Variants in FAM193B observed in about 807,000 individuals in gnomAD.
The protein encoded by FAM193B is family with sequence similarity 193 member B.
A neutral mutation model predicts 70.7 loss-of-function variants in FAM193B; 27 were observed. The observed-to-expected ratio is 0.38, with a 90% CI of 0.28 to 0.53. The LOEUF (loss-of-function observed/expected upper bound fraction) is 0.53. Ranked by LOEUF, FAM193B falls within the 20% of genes least tolerant of loss-of-function variation. The pLI is 0.81. For missense variants in FAM193B, 1,022 were observed against 1,072.5 expected (o/e 0.95, Z 0.66); for synonymous variants, 448 against 436.0 (o/e 1.03, Z -0.34).
Position 177,524,036 on chromosome 5 carries a change from G to C in FAM193B, c.2297-4C>G, listed in dbSNP as rs1369334889. ...TCCTTGGGCAGGAACACATCGTCTA[G>C]GAAGACACAGCCAGGAGGGCTCAGT... On this transcript the variant is annotated splice_region_variant and splice_polypyrimidine_tract_variant and intron_variant, in intron 6 of 8. Coordinates refer to ENST00000514747, the MANE Select transcript of FAM193B (RefSeq NM_001190946.3). 1 of 1,614,076 alleles carries C rather than the reference G, an allele frequency of 6.2e-7. No homozygotes were observed. The highest frequency in any genetic ancestry group is 1.7e-5 in the Admixed American group (1 of 60,030).
intron 1 of FAM193B, among the ~76,000 whole-genome samples, chr5:177,540,639 T>C (rs930635485): frequency 5.3e-5 from 8 of 152,180 alleles, no homozygotes; most frequent in Non-Finnish European, 8.8e-5. Flanking sequence ...GAGAGACTTG[T>C]GGAGAAAGCA....
Position 177,550,096 on chromosome 5 carries a change from C to G in FAM193B, c.210+4153G>C, listed in dbSNP as rs370392106. ...TTGGGAGGCTTAAGGAGAAGTATCA[C>G]TTGAGTCCAGGAGTTTGAGGATAGC... On this transcript the variant is annotated intron_variant, in intron 1 of 8. Coordinates refer to ENST00000514747, the MANE Select transcript of FAM193B (RefSeq NM_001190946.3). Among the ~76,000 whole-genome samples the G allele has an allele frequency of 4.6e-5, 7 of 152,202 alleles. No individual in the cohort carries two copies. The East Asian group carries it at 5.8e-4, about 13-fold the overall frequency.
chr5:177,540,742 T>C (rs1259976173), intron 1 of FAM193B, among the ~76,000 whole-genome samples: 1 of 152,212 alleles, frequency 6.6e-6, no homozygotes, highest in Non-Finnish European at 1.5e-5. Flanking sequence ...GGTATTGTTT[T>C]AAACCACTAG....
chr5:177,536,564 A>T lies in FAM193B; in HGVS notation c.870T>A (p.Ala290=). 1 of 1,536,814 alleles carries T rather than the reference A, an allele frequency of 6.5e-7. No homozygotes were observed. Among genetic ancestry groups the T allele is most frequent in the South Asian group, 1.3e-5 (1 of 79,534 alleles). The change falls in exon 4 of 9, where the codon GCT becomes GCA. Residue 290 remains alanine, a synonymous_variant. Coordinates refer to ENST00000514747, the MANE Select transcript of FAM193B (RefSeq NM_001190946.3). ...TGGCAGCAGCAACAGGGCACTCTGAAGCCTGGGCAGGGAAAGGTGCTGCCG... is the reference window on the plus strand; with the variant it reads ...TGGCAGCAGCAACAGGGCACTCTGATGCCTGGGCAGGGAAAGGTGCTGCCG... ...TTPAAPFPAQ[A]SECPVAAATA... is the part of the protein sequence containing the mutation.
rs1205603065 is a variant in FAM193B, at chr5:177,520,184, G to A, written c.*2-3C>T. On this transcript the variant is annotated splice_polypyrimidine_tract_variant and splice_region_variant and intron_variant, in intron 8 of 8. Transcript: ENST00000514747. ...AAGCAGCTCAGCCTGGGCAGGGCCT[G>A]AGAAAGAAAAAAAGAGCAGAATCAC... 1.3e-5 allele frequency: 2 copies of A among 152,074 alleles called. No homozygotes were observed. Among genetic ancestry groups the A allele is most frequent in the African/African-American group, 2.4e-5 (1 of 41,288 alleles). The allele number at this position is 152,074 out of a possible 1,614,324, so 9.4% of individuals were successfully genotyped here.
chr5:177,532,273 C>T lies in FAM193B; in HGVS notation c.1275+170G>A, dbSNP rs995982702. On this transcript the variant is annotated intron_variant, in intron 5 of 8. Coordinates refer to ENST00000514747, the MANE Select transcript of FAM193B (RefSeq NM_001190946.3). The surrounding 1 kb of genome is among the most constrained non-coding windows in gnomAD (Gnocchi z 4.9). ...GTAGCAAAATGTTTAAAAACCCCTACCTCACAAATGTGCTGTGAGGATCAA... is the reference window on the plus strand; with the variant it reads ...GTAGCAAAATGTTTAAAAACCCCTATCTCACAAATGTGCTGTGAGGATCAA... 6.7e-7 allele frequency: 1 copy of T among 1,489,992 alleles called. No homozygotes were observed. Among genetic ancestry groups the T allele is most frequent in the African/African-American group, 1.4e-5 (1 of 70,906 alleles). 92.3% of individuals were successfully genotyped at this position (1,489,992 alleles called of 1,614,324 possible). A position where few individuals can be genotyped will look rare whatever the true frequency, so the allele number is the denominator to read the frequency against.
At position 177,525,161 on chromosome 5, in the gene FAM193B, T is replaced by C; in HGVS notation, c.1320A>G (p.Ala440=). ...GCTCCCGGCTTCCAGAAACACGATT[T>C]GCCTGCTTTAGAGCTTCTGCTGCCA... The part of the protein sequence containing the change: ...AQLAAEALKQ[A]NRVSGSREPR... Residue 440 remains alanine (A), a synonymous_variant, in exon 6 of 9, where the codon GCA becomes GCG. Transcript: ENST00000514747. The C allele has an allele frequency of 6.6e-7, 1 of 1,514,082 alleles. No individual in the cohort carries two copies. The highest frequency in any genetic ancestry group is 2.3e-5 in the Admixed American group (1 of 43,912). The allele number at this position is 1,514,082 out of a possible 1,614,324, so 93.8% of individuals were successfully genotyped here.
chr5:177,531,999 T>A, intron 5 of FAM193B: 1 of 1,290,914 alleles, frequency 7.7e-7, no homozygotes, highest in Non-Finnish European at 1.0e-6. Flanking sequence ...AGAGCCAGCA[T>A]GCCCTCTGAT....
At chr5:177,546,752 T>C (rs1765477266) in intron 1 of FAM193B, among the ~76,000 whole-genome samples, 1 of 152,202 alleles carries the variant, frequency 6.6e-6, no homozygotes, top group Non-Finnish European at 1.5e-5. Flanking sequence ...GACTAGTCAG[T>C]GGAGAATCCT....
chr5:177,532,639 T>C lies in FAM193B; in HGVS notation c.1079A>G (p.Asp360Gly). The C allele has an allele frequency of 6.5e-7, 1 of 1,536,452 alleles. No individual in the cohort carries two copies. The highest frequency in any genetic ancestry group is 1.3e-5 in the South Asian group (1 of 79,400). The change falls in exon 5 of 9, where the codon GAT becomes GGT. Residue 360 changes from aspartate (D) to glycine (G), a missense_variant and splice_region_variant. Coordinates refer to ENST00000514747, the MANE Select transcript of FAM193B (RefSeq NM_001190946.3). The surrounding 1 kb of genome is among the most constrained non-coding windows in gnomAD (Gnocchi z 4.9). Reference sequence around the variant, plus strand: ...AAACTTGTGCCCCTTGCACCCGGGATCCCTGATGATGGGGAGGAAGGCCCA... The same window carrying C: ...AAACTTGTGCCCCTTGCACCCGGGACCCCTGATGATGGGGAGGAAGGCCCA... Reference protein sequence around the residue: ...SSQPLPSTHRDPGCKGHKFAH... With the variant: ...SSQPLPSTHRGPGCKGHKFAH...
intron 3 of FAM193B, 108 bp downstream of exon 3, chr5:177,537,765 T>C: frequency 7.0e-7 from 1 of 1,422,476 alleles, no homozygotes; most frequent in South Asian, 1.6e-5. Context: ...AGTTCCACTT[T>C]TACTTATTTT....
chr5:177,547,006 C>T (rs116266376), intron 1 of FAM193B, among the ~76,000 whole-genome samples: 580 of 152,270 alleles, frequency 3.8e-3, no homozygotes, highest in African/African-American at 0.012. Context: ...ATTTTGGGGA[C>T]GAGACACACA....
intron 1 of FAM193B, chr5:177,547,377 C>G (rs530653432): frequency 2.7e-5 from 4 of 145,694 alleles, no homozygotes; most frequent in Non-Finnish European, 6.0e-5. Flanking sequence ...CTCCGCCTCC[C>G]GGGTTCACGC....
chr5:177,531,536 G>GT, intron 5 of FAM193B: 6 of 1,047,020 alleles, frequency 5.7e-6, no homozygotes, highest in African/African-American at 1.7e-5. Context: ...GGGTGGGGGG[G>GT]AGGTGCTGAC....
At chr5:177,537,814 G>T in intron 3 of FAM193B, 59 bp downstream of exon 3, 2 of 1,532,494 alleles carry the variant, frequency 1.3e-6, no homozygotes, top group Non-Finnish European at 1.8e-6. Context: ...AAAGTGGATA[G>T]GAAAACACAG....
chr5:177,540,714 T>C (rs1394582971), intron 1 of FAM193B, among the ~76,000 whole-genome samples: 1 of 152,094 alleles, frequency 6.6e-6, no homozygotes, highest in Non-Finnish European at 1.5e-5. Flanking sequence ...GAGAGCAGAC[T>C]CATGAGAGAT....
Position 177,536,329 on chromosome 5 carries a change from C to T in FAM193B, c.1076+29G>A, listed in dbSNP as rs776352866. 1.4e-5 allele frequency: 22 copies of T among 1,601,278 alleles called. No homozygotes were observed. The East Asian group carries it at 3.2e-4, about 23-fold the overall frequency. The stretch of plus-strand genomic sequence containing the variant: ...CAAAATTCTAAGTTCAAGTGGGTAG[C>T]GAGTTTGCCCTTCATGCAGCACACT... On this transcript the variant is annotated intron_variant, in intron 4 of 8. Transcript: ENST00000514747.
chr5:177,536,261 G>T, intron 4 of FAM193B, 97 bp downstream of exon 4: 1 of 1,272,762 alleles, frequency 7.9e-7, no homozygotes, highest in South Asian at 1.3e-5. Context: ...GAAAGACATA[G>T]TCTACTTTTT....
At chr5:177,549,758 T>A (rs77920265) in intron 1 of FAM193B, among the ~76,000 whole-genome samples, 35 of 152,322 alleles carry the variant, frequency 2.3e-4, no homozygotes, top group African/African-American at 8.2e-4. Context: ...ATAAATGCCA[T>A]GTGAAATAAA....
Sources: allele counts gnomAD v4.1 joint callset (sites outside exome capture counted in the v4.1 genomes callset), GRCh38; gene constraint gnomAD v4.1.1; non-coding constraint Gnocchi (gnomAD v3.1); transcripts MANE v1.5; gene names NCBI Gene and HGNC (gene_info 2026-07-23, HGNC 2026-07-21).